Variants in PACRG observed in about 807,000 individuals in gnomAD.
PACRG encodes the protein parkin coregulated gene protein.
Under a neutral mutation model 29.7 loss-of-function variants are expected in PACRG, and 29 were observed. That is an observed-to-expected ratio of 0.98 (90% CI 0.73 to 1.33). PACRG has a LOEUF of 1.33. Ranked by LOEUF, PACRG falls within the 40% of genes most tolerant of loss-of-function variation. PACRG has a pLI of 0.00. For missense variants in PACRG, 279 were observed against 316.2 expected (o/e 0.88, Z 0.89); for synonymous variants, 116 against 118.7 (o/e 0.98, Z 0.15).
At chr6:163,116,216 A>G (rs760470113) in intron 4 of PACRG, among the ~76,000 whole-genome samples, 3 of 152,162 alleles carry the variant, frequency 2.0e-5, no homozygotes, top group Non-Finnish European at 2.9e-5. Context: ...ATCGTGGCAA[A>G]AGGCGAAGGA....
intron 4 of PACRG, among the ~76,000 whole-genome samples, chr6:163,185,981 G>A (rs981568957): frequency 2.6e-5 from 4 of 152,062 alleles, no homozygotes; most frequent in African/African-American, 9.7e-5. Flanking sequence ...AGTGGGGGAG[G>A]GCGTGCCCCC....
intron 2 of PACRG, among the ~76,000 whole-genome samples, chr6:162,918,877 C>T (rs1282458996): frequency 2.6e-5 from 4 of 151,986 alleles, no homozygotes; most frequent in Admixed American, 2.6e-4. Flanking sequence ...CATAGGTTGT[C>T]TAACTTGATG....
chr6:163,257,862 G>A (rs1014857907), intron 4 of PACRG, among the ~76,000 whole-genome samples: 11 of 152,138 alleles, frequency 7.2e-5, no homozygotes, highest in African/African-American at 2.7e-4. Flanking sequence ...ACAACAACTG[G>A]TGCCAACTAA....
chr6:162,898,756 G>C (rs1473934749), intron 2 of PACRG, among the ~76,000 whole-genome samples: 1 of 152,014 alleles, frequency 6.6e-6, no homozygotes, highest in Non-Finnish European at 1.5e-5. Flanking sequence ...ATAAATATTA[G>C]CTATTATCGT....
At chr6:162,739,509 A>G (rs1411083255) in intron 1 of PACRG, among the ~76,000 whole-genome samples, 2 of 152,128 alleles carry the variant, frequency 1.3e-5, no homozygotes, top group African/African-American at 4.8e-5. Context: ...TTAGGTATTT[A>G]TACTTATCAC....
At chr6:162,773,446 C>T (rs1393189812) in intron 1 of PACRG, among the ~76,000 whole-genome samples, 1 of 143,376 alleles carries the variant, frequency 7.0e-6, no homozygotes, top group Non-Finnish European at 1.5e-5. Context: ...GTATTTACAT[C>T]ATGGAAGAAA....
At chr6:163,021,253 C>T (rs1806587774) in intron 2 of PACRG, among the ~76,000 whole-genome samples, 1 of 152,234 alleles carries the variant, frequency 6.6e-6, no homozygotes, top group Non-Finnish European at 1.5e-5. Context: ...TCCCACTCTG[C>T]CTGCCCCTCC....
chr6:162,848,975 C>T (rs946926948), intron 2 of PACRG, among the ~76,000 whole-genome samples: 9 of 152,060 alleles, frequency 5.9e-5, no homozygotes, highest in Admixed American at 1.3e-4. Flanking sequence ...TAGGGGAAAG[C>T]GAGAGATTTG....
chr6:163,281,825 C>T (rs1322976396), intron 4 of PACRG, among the ~76,000 whole-genome samples: 2 of 152,090 alleles, frequency 1.3e-5, no homozygotes. Flanking sequence ...ATGAGGCCCA[C>T]CCAATTTTGG....
At chr6:163,284,309 C>T (rs867046181) in intron 4 of PACRG, among the ~76,000 whole-genome samples, 20 of 152,284 alleles carry the variant, frequency 1.3e-4, no homozygotes, top group Non-Finnish European at 2.1e-4. Context: ...AGCTGCTGGA[C>T]GTTCTGACCT....
At chr6:162,984,560 C>A (rs899079277) in intron 2 of PACRG, among the ~76,000 whole-genome samples, 2 of 151,976 alleles carry the variant, frequency 1.3e-5, no homozygotes, top group African/African-American at 4.8e-5. Flanking sequence ...GATCAAATGG[C>A]AGATCTACTT....
intron 4 of PACRG, among the ~76,000 whole-genome samples, chr6:163,202,519 C>A (rs1379794413): frequency 6.6e-6 from 1 of 152,134 alleles, no homozygotes; most frequent in Non-Finnish European, 1.5e-5. Context: ...TATTTCCCCA[C>A]ATTCTGCCAG....
chr6:162,874,278 A>G (rs2127999318), intron 2 of PACRG, among the ~76,000 whole-genome samples: 1 of 152,094 alleles, frequency 6.6e-6, no homozygotes, highest in Admixed American at 6.5e-5. Flanking sequence ...TATTAATAAG[A>G]CAAACTATTT....
At chr6:162,928,868 A>G (rs919136422) in intron 2 of PACRG, among the ~76,000 whole-genome samples, 45 of 151,768 alleles carry the variant, frequency 3.0e-4, no homozygotes, top group African/African-American at 9.4e-4. Context: ...AATGTATGGT[A>G]TTTGTCTTTC....
At chr6:163,213,166 T>A (rs1480932353) in intron 4 of PACRG, among the ~76,000 whole-genome samples, 1 of 152,150 alleles carries the variant, frequency 6.6e-6, no homozygotes, top group Non-Finnish European at 1.5e-5. Context: ...TGGAGCACAG[T>A]GGGATATATC....
chr6:163,050,933 A>C (rs1350418685), intron 2 of PACRG, among the ~76,000 whole-genome samples: 1 of 152,092 alleles, frequency 6.6e-6, no homozygotes, highest in Non-Finnish European at 1.5e-5. Context: ...TGCTTCAAAT[A>C]TTGCCTTTCC....
chr6:162,989,594 C>G (rs1305748809), intron 2 of PACRG, among the ~76,000 whole-genome samples: 1 of 151,790 alleles, frequency 6.6e-6, no homozygotes, highest in Non-Finnish European at 1.5e-5. Flanking sequence ...AAATCATAAC[C>G]AAAAAAATGT....
chr6:163,134,173 T>A (rs1325079885), intron 4 of PACRG, among the ~76,000 whole-genome samples: 1 of 152,186 alleles, frequency 6.6e-6, no homozygotes, highest in Non-Finnish European at 1.5e-5. Context: ...ATTTCCTGCT[T>A]CAGTTGCTGG....
rs1783727383 is a variant in PACRG, at chr6:162,777,303, C to A, written c.157-36844C>A. Among the ~76,000 whole-genome samples, 1 of 152,168 alleles carries A rather than the reference C, an allele frequency of 6.6e-6. No individual in the cohort carries two copies. Among genetic ancestry groups the A allele is most frequent in the African/African-American group, 2.4e-5 (1 of 41,430 alleles). On this transcript the variant is annotated intron_variant, in intron 1 of 4. Transcript: ENST00000366888. The surrounding 1 kb of genome is among the most constrained non-coding windows in gnomAD (Gnocchi z 4.0). ...GTGCTCACAGGCCTCTGCTGTGTTC[C>A]CTGTGGCACCTTCGCAGACTGAGTG... is the stretch of plus-strand genomic sequence containing the variant.
Sources: gnomAD v4.1 joint callset for allele counts (sites outside exome capture counted in the v4.1 genomes callset) on GRCh38, gnomAD v4.1.1 for gene constraint, Gnocchi (gnomAD v3.1) non-coding constraint, MANE v1.5 for transcripts, NCBI Gene and HGNC (gene_info 2026-07-23, HGNC 2026-07-21) for gene names.